NEDD4L: variants seen among roughly 807,000 people sequenced by gnomAD.
The protein encoded by NEDD4L is NEDD4 like E3 ubiquitin protein ligase.
A neutral mutation model predicts 148.9 loss-of-function variants in NEDD4L; 54 were observed. The ratio of observed to expected loss-of-function variants is 0.36; its 90% confidence interval spans 0.29 to 0.45. The LOEUF (loss-of-function observed/expected upper bound fraction) is 0.45, where lower values mean the gene tolerates loss of function less well. NEDD4L is among the 20% of genes least tolerant of loss of function. The pLI, the probability that NEDD4L is intolerant of heterozygous loss-of-function variation, is 1.00. For missense variants in NEDD4L, 856 were observed against 1,233.8 expected (o/e 0.69, Z 4.59); for synonymous variants, 433 against 440.7 (o/e 0.98, Z 0.22).
In NEDD4L at chr18:58,242,828, T is replaced by C. The variant is rs561414870; in HGVS notation, c.123-2599T>C. Among the ~76,000 whole-genome samples, 25 of 152,268 alleles carry C rather than the reference T, an allele frequency of 1.6e-4. No individual in the cohort carries two copies. In the South Asian group the frequency reaches 5.2e-3, roughly 32 times the overall value. On this transcript the variant is annotated intron_variant, in intron 2 of 30. Transcript: ENST00000400345. The stretch of plus-strand genomic sequence containing the variant: ...ACCCTCTCCTCCCCTCGAGCTTACA[T>C]CCTACTGTCCTGTAGCCAGCTCCAA...
chr18:58,187,221 C>T (rs1311689184), intron 2 of NEDD4L, among the ~76,000 whole-genome samples: 1 of 152,200 alleles, frequency 6.6e-6, no homozygotes, highest in Non-Finnish European at 1.5e-5. Flanking sequence ...TTCAAATGAG[C>T]TGGCTCTAGA....
intron 6 of NEDD4L, 150 bp from the exon 7 acceptor site, chr18:58,322,275 C>T (rs568752269): frequency 3.8e-5 from 25 of 663,550 alleles, no homozygotes; most frequent in African/African-American, 3.2e-4. Flanking sequence ...TAGATCAGTT[C>T]CGTGGACTGT....
chr18:58,157,379 C>T lies in NEDD4L; in HGVS notation c.49-8409C>T, dbSNP rs553349195. The stretch of plus-strand genomic sequence containing the variant: ...TCAGTCACTTCCATCCCCAGCCAAA[C>T]AGTTCTTATCCCCAGAGTCAGCCAG... On this transcript the variant is annotated intron_variant, in intron 1 of 30. Transcript: ENST00000400345. 5.3e-5 allele frequency among the ~76,000 whole-genome samples: 8 copies of T among 152,170 alleles called. No homozygotes were observed. In the East Asian group the frequency reaches 1.5e-3, roughly 29 times the overall value.
intron 1 of NEDD4L, among the ~76,000 whole-genome samples, chr18:58,130,288 T>G (rs2031867887): frequency 7.0e-6 from 1 of 143,530 alleles, no homozygotes; most frequent in Admixed American, 7.1e-5. Context: ...ACTGTGGCAG[T>G]GTTGGGCTCT....
Position 58,111,390 on chromosome 18 carries a change from A to G in NEDD4L, c.49-54398A>G, listed in dbSNP as rs537471824. 1.7e-4 allele frequency among the ~76,000 whole-genome samples: 25 copies of G among 145,038 alleles called. No individual in the cohort carries two copies. In the South Asian group the frequency reaches 5.1e-3, roughly 30 times the overall value. ...GCTGATGTTAATATTTTTATTACCC[A>G]TAAAAGGAAGCCTGTACGATATAAC... is the stretch of plus-strand genomic sequence containing the variant. On this transcript the variant is annotated intron_variant, in intron 1 of 30. Transcript: ENST00000400345.
intron 5 of NEDD4L, among the ~76,000 whole-genome samples, chr18:58,301,994 TCAC>T (rs1328285296): frequency 6.6e-6 from 1 of 152,174 alleles, no homozygotes; most frequent in Admixed American, 6.5e-5. Context: ...ATAGGGGGAT[TCAC>T]TAAGAACTTC....
chr18:58,316,071 C>CG, intron 6 of NEDD4L, 39 bp downstream of exon 6: 1 of 1,529,566 alleles, frequency 6.5e-7, no homozygotes, highest in Non-Finnish European at 9.0e-7. Flanking sequence ...GTGCTGGGGG[C>CG]GGGGGTTTCT....
intron 2 of NEDD4L, among the ~76,000 whole-genome samples, chr18:58,243,874 A>G (rs1341608371): frequency 6.6e-6 from 1 of 152,254 alleles, no homozygotes; most frequent in Non-Finnish European, 1.5e-5. Context: ...ATGGAGTATA[A>G]CTGAACAAAT....
At chr18:58,259,627 A>G (rs902409521) in intron 5 of NEDD4L, among the ~76,000 whole-genome samples, 16 of 152,182 alleles carry the variant, frequency 1.1e-4, no homozygotes, top group African/African-American at 3.6e-4. Context: ...CTCAAGGTCT[A>G]CTGTGTATAT....
At chr18:58,341,865 ACT>A in intron 15 of NEDD4L, 68 bp downstream of exon 15, 1 of 1,551,556 alleles carries the variant, frequency 6.4e-7, no homozygotes, top group Non-Finnish European at 8.7e-7. Context: ...TTCTCTCTTA[ACT>A]CTGCCTTCAG....
chr18:58,253,355 T>A lies in NEDD4L; in HGVS notation c.297+1301T>A, dbSNP rs544844548. Among the ~76,000 whole-genome samples, 3 of 152,320 alleles carry A rather than the reference T, an allele frequency of 2.0e-5. No homozygotes were observed. In the South Asian group the frequency reaches 6.2e-4, roughly 32 times the overall value. On this transcript the variant is annotated intron_variant, in intron 5 of 30. Transcript: ENST00000400345. ...TTGAATCTCATATGATTAGTATTAT[T>A]CTCCAAAAGAGAAAACTAACAGATT...
chr18:58,362,654 A>T (rs2045629911), intron 19 of NEDD4L, among the ~76,000 whole-genome samples: 1 of 152,206 alleles, frequency 6.6e-6, no homozygotes, highest in African/African-American at 2.4e-5. Context: ...CCAGGAGGGA[A>T]CTGGGAAAGC....
intron 16 of NEDD4L, among the ~76,000 whole-genome samples, chr18:58,348,002 T>C (rs1245191359): frequency 1.3e-5 from 2 of 152,130 alleles, no homozygotes; most frequent in African/African-American, 2.4e-5. Context: ...TTCTCCTTTT[T>C]ATGTTTTTGG....
At chr18:58,165,227 T>C (rs1423207249) in intron 1 of NEDD4L, among the ~76,000 whole-genome samples, 1 of 152,250 alleles carries the variant, frequency 6.6e-6, no homozygotes, top group Non-Finnish European at 1.5e-5. Flanking sequence ...GAACAGTTGA[T>C]TGATTTCCAA....
At chr18:58,268,534 A>G (rs2148775471) in intron 5 of NEDD4L, among the ~76,000 whole-genome samples, 1 of 152,138 alleles carries the variant, frequency 6.6e-6, no homozygotes, top group East Asian at 1.9e-4. Flanking sequence ...CTTCACCCCT[A>G]GTTTATCATG....
chr18:58,357,378 AGCACTTT>A (rs2145830308), intron 19 of NEDD4L, 126 bp downstream of exon 19: 1 of 896,134 alleles, frequency 1.1e-6, no homozygotes, highest in East Asian at 2.4e-5. Flanking sequence ...CTAGAAACAG[AGCACTTT>A]GCTGCCATCT....
At chr18:58,250,199 G>C (rs1252151108) in intron 4 of NEDD4L, among the ~76,000 whole-genome samples, 2 of 151,952 alleles carry the variant, frequency 1.3e-5, no homozygotes, top group African/African-American at 2.4e-5. Context: ...CACCAGGCTG[G>C]AGTGCAGTGG....
chr18:58,224,357 C>A (rs1407600133), intron 2 of NEDD4L, among the ~76,000 whole-genome samples: 3 of 152,176 alleles, frequency 2.0e-5, no homozygotes, highest in Non-Finnish European at 4.4e-5. Context: ...GGTTTGACTC[C>A]TTTTAGCTCA....
intron 5 of NEDD4L, among the ~76,000 whole-genome samples, chr18:58,278,932 T>C (rs1221206110): frequency 6.6e-6 from 1 of 152,136 alleles, no homozygotes; most frequent in African/African-American, 2.4e-5. Context: ...AGTGCAGTGG[T>C]GCAGTCTCAG....
Sources: allele counts gnomAD v4.1 joint callset (sites outside exome capture counted in the v4.1 genomes callset), GRCh38; gene constraint gnomAD v4.1.1; transcripts MANE v1.5; gene names NCBI Gene and HGNC (gene_info 2026-07-23, HGNC 2026-07-21).